Variants in ROPN1 observed in about 807,000 individuals in gnomAD.
ROPN1 encodes the protein ropporin-1A.
A neutral mutation model predicts 20.5 loss-of-function variants in ROPN1; 14 were observed. That is an observed-to-expected ratio of 0.68 (90% confidence interval 0.45 to 1.07). ROPN1 has a LOEUF of 1.07. Among genes scored for constraint, ROPN1 ranks in the 50% least tolerant of loss-of-function variants. The probability of loss-of-function intolerance (pLI) is 0.00; values close to 1 mark genes in which losing one functional copy is unlikely to be tolerated. For synonymous variants in ROPN1, 76 were observed against 95.7 expected (o/e 0.79, Z 1.20); for missense variants, 169 against 242.8 (o/e 0.70, Z 2.02).
At chr3:123,972,749 C>T (rs2037942118) in intron 4 of ROPN1, among the ~76,000 whole-genome samples, 1 of 152,224 alleles carries the variant, frequency 6.6e-6, no homozygotes. Context: ...GAGATCTTGT[C>T]TTGCTATTGA....
intron 1 of ROPN1, among the ~76,000 whole-genome samples, chr3:123,986,576 G>A (rs752861707): frequency 4.6e-5 from 7 of 152,162 alleles, no homozygotes; most frequent in African/African-American, 1.2e-4. Context: ...GTGTTAGCAC[G>A]AGGGAAGGTG....
rs1431798825 is a variant in ROPN1, at chr3:123,969,182, G to C, written c.612C>G (p.Thr204=). 6.2e-7 allele frequency: 1 copy of C among 1,613,858 alleles called. No homozygotes were observed. The highest frequency in any genetic ancestry group is 8.5e-7 in the Non-Finnish European group (1 of 1,179,942). ...PDGIITVNDF[T]QNPRVQLE is the part of the protein sequence containing the mutation. ...ACTCCAGCTGAACCCTGGGGTTTTG[G>C]GTAAAGTCATTCACTGTGATTATAC... is the stretch of plus-strand genomic sequence containing the variant. Residue 204 remains threonine, a synonymous_variant, in exon 6 of 6, where the codon ACC becomes ACG. Transcript: ENST00000405845.
chr3:123,991,697 C>T (rs1380595093), intron 1 of ROPN1, among the ~76,000 whole-genome samples: 1 of 142,928 alleles, frequency 7.0e-6, no homozygotes, highest in Non-Finnish European at 1.6e-5. Context: ...GGTAAGAAAC[C>T]GTATAATAGT....
chr3:123,976,425 G>C (rs2038025046), intron 3 of ROPN1, among the ~76,000 whole-genome samples: 1 of 150,328 alleles, frequency 6.7e-6, no homozygotes, highest in Admixed American at 6.6e-5. Context: ...GGATGATGTG[G>C]CTATGAAGAG....
At chr3:123,977,905 A>G (rs2038056517) in intron 2 of ROPN1, among the ~76,000 whole-genome samples, 1 of 152,166 alleles carries the variant, frequency 6.6e-6, no homozygotes, top group Non-Finnish European at 1.5e-5. Flanking sequence ...GGGAATGGAC[A>G]TGAGCCGCTG....
At chr3:123,977,730 G>A (rs2038053333) in intron 2 of ROPN1, among the ~76,000 whole-genome samples, 1 of 152,216 alleles carries the variant, frequency 6.6e-6, no homozygotes, top group Non-Finnish European at 1.5e-5. Context: ...AAGCTATATG[G>A]TGCCTCTGAA....
At chr3:123,982,998 A>G (rs2038179676) in intron 1 of ROPN1, among the ~76,000 whole-genome samples, 1 of 152,212 alleles carries the variant, frequency 6.6e-6, no homozygotes, top group South Asian at 2.1e-4. Flanking sequence ...CGCTTAGCAC[A>G]ATGTCTTCAG....
intron 4 of ROPN1, chr3:123,974,768 A>G (rs1257070321): frequency 6.1e-6 from 1 of 162,612 alleles, no homozygotes; most frequent in East Asian, 1.8e-4. Flanking sequence ...ATATCTATAC[A>G]TATAAGCTGA....
chr3:123,985,991 T>C (rs2038243168), intron 1 of ROPN1, among the ~76,000 whole-genome samples: 1 of 1,894 alleles, frequency 5.3e-4, no homozygotes, highest in Non-Finnish European at 1.6e-3. Flanking sequence ...AGACCTTGTC[T>C]CAAAAAAAAA....
intron 1 of ROPN1, among the ~76,000 whole-genome samples, chr3:123,984,295 C>A (rs1257888855): frequency 6.6e-6 from 1 of 152,146 alleles, no homozygotes; most frequent in Non-Finnish European, 1.5e-5. Context: ...TCACTAGAAT[C>A]CATTGTCCAT....
At chr3:123,971,674 G>C (rs555852448) in intron 4 of ROPN1, among the ~76,000 whole-genome samples, 16 of 152,254 alleles carry the variant, frequency 1.1e-4, no homozygotes, top group East Asian at 7.7e-4. Context: ...TGGGAGAATG[G>C]TTTGGGGTAG....
chr3:123,987,074 A>T (rs1363225740), intron 1 of ROPN1, among the ~76,000 whole-genome samples: 1 of 152,246 alleles, frequency 6.6e-6, no homozygotes. Context: ...TGGAATGGCC[A>T]TCCCTGGCCA....
chr3:123,977,667 AGC>A (rs2038051888), intron 2 of ROPN1, among the ~76,000 whole-genome samples: 1 of 152,236 alleles, frequency 6.6e-6, no homozygotes, highest in Non-Finnish European at 1.5e-5. Context: ...TTGGCAGGGC[AGC>A]CTGCAAGGCT....
rs369305016 is a variant in ROPN1, at chr3:123,970,221, T to C, written c.397-4A>G. 13 of 1,611,334 alleles carry C rather than the reference T, an allele frequency of 8.1e-6. No individual in the cohort carries two copies. The highest frequency in any genetic ancestry group is 1.1e-5 in the Non-Finnish European group (13 of 1,177,944). On this transcript the variant is annotated splice_region_variant and splice_polypyrimidine_tract_variant and intron_variant, in intron 4 of 5. Transcript: ENST00000405845. Reference sequence around the variant, plus strand: ...TCTTGAGAGTTTTGGTAATAGTCTATAAAAGTTAGATAAAATGAGGAGAAA... The same window carrying C: ...TCTTGAGAGTTTTGGTAATAGTCTACAAAAGTTAGATAAAATGAGGAGAAA...
chr3:123,985,992 C>CAAAA (rs35677015), intron 1 of ROPN1, among the ~76,000 whole-genome samples: 1 of 22,138 alleles, frequency 4.5e-5, no homozygotes, highest in Non-Finnish European at 1.2e-4. Flanking sequence ...GACCTTGTCT[C>CAAAA]AAAAAAAAAA....
intron 5 of ROPN1, 88 bp downstream of exon 5, chr3:123,969,954 C>T: frequency 8.0e-7 from 1 of 1,245,448 alleles, no homozygotes; most frequent in Non-Finnish European, 1.1e-6. Flanking sequence ...GTTTCCAGAG[C>T]AGTATAATAC....
At chr3:123,972,779 A>G (rs1340857296) in intron 4 of ROPN1, among the ~76,000 whole-genome samples, 1 of 152,242 alleles carries the variant, frequency 6.6e-6, no homozygotes, top group East Asian at 1.9e-4. Context: ...GGAAAGAGAA[A>G]TTCTGGGCTT....
chr3:123,991,877 C>T (rs1205024388), intron 1 of ROPN1, 45 bp downstream of exon 1: 1 of 148,678 alleles, frequency 6.7e-6, no homozygotes, highest in African/African-American at 2.4e-5. Flanking sequence ...GCCCTCGGGG[C>T]GCTCAGAGCC....
chr3:123,969,238 A>G lies in ROPN1; in HGVS notation c.573-17T>C, dbSNP rs748474224. 20 of 1,587,610 alleles carry G rather than the reference A, an allele frequency of 1.3e-5. No individual in the cohort carries two copies. The Middle Eastern group carries it at 5.0e-4, about 39-fold the overall frequency. On this transcript the variant is annotated splice_polypyrimidine_tract_variant and intron_variant, in intron 5 of 5. Coordinates refer to ENST00000405845, the MANE Select transcript of ROPN1 (RefSeq NM_001317774.2). ...GGGCCAATTCTGTTTGGAAAAAGGT[A>G]TATCTGCAGTTAGTTCATTGACAGT...
Sources: allele counts gnomAD v4.1 joint callset (sites outside exome capture counted in the v4.1 genomes callset), GRCh38; gene constraint gnomAD v4.1.1; transcripts MANE v1.5; gene names NCBI Gene and HGNC (gene_info 2026-07-23, HGNC 2026-07-21).